CDH2: variants seen among roughly 807,000 people sequenced by gnomAD.
CDH2 encodes the protein cadherin-2.
CDH2 carries 17 observed loss-of-function variants against 92.0 expected under a neutral mutation model. That is an observed-to-expected ratio of 0.18 (90% CI 0.13 to 0.28). The LOEUF (loss-of-function observed/expected upper bound fraction) is 0.28. Among genes scored for constraint, CDH2 ranks in the 10% least tolerant of loss-of-function variants. The pLI is 1.00. For missense variants in CDH2, 862 were observed against 1,133.1 expected (o/e 0.76, Z 3.44); for synonymous variants, 419 against 415.9 (o/e 1.01, Z -0.09).
chr18:28,173,660 T>C (rs1380469957), intron 1 of CDH2, among the ~76,000 whole-genome samples: 1 of 152,172 alleles, frequency 6.6e-6, no homozygotes, highest in African/African-American at 2.4e-5. Context: ...GAAATGAATT[T>C]CTATGAACAT....
At chr18:28,110,775 T>C (rs1020961358) in intron 2 of CDH2, among the ~76,000 whole-genome samples, 1 of 152,106 alleles carries the variant, frequency 6.6e-6, no homozygotes, top group African/African-American at 2.4e-5. Flanking sequence ...CCTATATCTA[T>C]ATAGGCTGCA....
intron 1 of CDH2, among the ~76,000 whole-genome samples, chr18:28,163,296 A>G (rs536286559): frequency 2.6e-5 from 4 of 152,344 alleles, no homozygotes; most frequent in African/African-American, 9.6e-5. Context: ...GGAAAACACA[A>G]TCTTGCATTA....
At position 27,990,116 on chromosome 18, in the gene CDH2, A is replaced by G; in HGVS notation, c.1579T>C (p.Tyr527His). Reference sequence around the variant, plus strand: ...TCATACCTAATATTTTGCTGCATATATCGATCTGGGTCCTGAGCAGTGAAT... The same window carrying G: ...TCATACCTAATATTTTGCTGCATATGTCGATCTGGGTCCTGAGCAGTGAAT... Reference protein sequence around the residue: ...TTFTAQDPDRYMQQNIRYTKL... With the variant: ...TTFTAQDPDRHMQQNIRYTKL... Residue 527 changes from tyrosine to histidine, a missense_variant, in exon 10 of 16, where the codon TAT (tyrosine) becomes CAT (histidine). Physicochemically the swap from Tyr to His is moderately conservative, Grantham distance 83 (BLOSUM62 2). Coordinates refer to ENST00000269141, the MANE Select transcript of CDH2 (RefSeq NM_001792.5). 6.2e-7 allele frequency: 1 copy of G among 1,614,010 alleles called. No homozygotes were observed. Among genetic ancestry groups the G allele is most frequent in the Non-Finnish European group, 8.5e-7 (1 of 1,179,852 alleles).
In CDH2 at chr18:27,990,317, G is replaced by C; in HGVS notation, c.1378C>G (p.Leu460Val). The C allele has an allele frequency of 6.2e-7, 1 of 1,613,462 alleles. No homozygotes were observed. Among genetic ancestry groups the C allele is most frequent in the South Asian group, 1.1e-5 (1 of 91,042 alleles). Residue 460 changes from leucine (L) to valine (V), a missense_variant, in exon 10 of 16, where the codon CTT becomes GTT. Coordinates refer to ENST00000269141, the MANE Select transcript of CDH2 (RefSeq NM_001792.5). Reference protein sequence around the residue: ...IDFETNRMFVLTVAAENQVPL... With the variant: ...IDFETNRMFVVTVAAENQVPL... ...ACTTGATTTTCTGCAGCAACAGTAAGGACAAACATCCTATTTGTTTCAAAG... is the reference window on the plus strand; with the variant it reads ...ACTTGATTTTCTGCAGCAACAGTAACGACAAACATCCTATTTGTTTCAAAG...
chr18:28,118,758 A>G (rs2015538260), intron 2 of CDH2, among the ~76,000 whole-genome samples: 1 of 152,072 alleles, frequency 6.6e-6, no homozygotes, highest in Admixed American at 6.6e-5. Flanking sequence ...CACTAATTTT[A>G]TATCAAAACC....
At chr18:28,065,624 T>C (rs1020338089) in intron 2 of CDH2, among the ~76,000 whole-genome samples, 8 of 152,176 alleles carry the variant, frequency 5.3e-5, no homozygotes, top group Non-Finnish European at 1.0e-4. Flanking sequence ...CCATGGTAAC[T>C]AGCCGTAGAA....
At chr18:28,150,226 C>T (rs932822324) in intron 1 of CDH2, among the ~76,000 whole-genome samples, 7 of 152,172 alleles carry the variant, frequency 4.6e-5, no homozygotes, top group African/African-American at 1.4e-4. Context: ...CAGGTCAGGC[C>T]GGAGCCCAGA....
intron 2 of CDH2, among the ~76,000 whole-genome samples, chr18:28,116,893 G>C (rs1369001006): frequency 6.6e-6 from 1 of 152,058 alleles, no homozygotes; most frequent in African/African-American, 2.4e-5. Flanking sequence ...CAGTAATGAA[G>C]GGAGAAGAAT....
rs1303166463 is a variant in CDH2 at position 28,150,353 on chromosome 18, A to G, written c.61-2569T>C. 2.6e-5 allele frequency among the ~76,000 whole-genome samples: 4 copies of G among 152,236 alleles called. No individual in the cohort carries two copies. In the East Asian group the frequency reaches 5.8e-4, roughly 22 times the overall value. On this transcript the variant is annotated intron_variant, in intron 1 of 15. Transcript: ENST00000269141. Reference sequence around the variant, plus strand: ...TTTGTGGGTAAGAACTCAGAGATCAAGAAAGTCTCAAGACTAGAGGAAAAC... The same window carrying G: ...TTTGTGGGTAAGAACTCAGAGATCAGGAAAGTCTCAAGACTAGAGGAAAAC...
At chr18:28,174,249 A>G (rs1045269790) in intron 1 of CDH2, among the ~76,000 whole-genome samples, 1 of 152,118 alleles carries the variant, frequency 6.6e-6, no homozygotes, top group Non-Finnish European at 1.5e-5. Flanking sequence ...GAATTTAAAA[A>G]AAAAAGAAAA....
At chr18:27,959,994 A>G (rs2011355307) in intron 15 of CDH2, among the ~76,000 whole-genome samples, 1 of 146,928 alleles carries the variant, frequency 6.8e-6, no homozygotes, top group Admixed American at 6.9e-5. Context: ...CAGCCTGAGC[A>G]ACAGAGAGAG....
intron 2 of CDH2, among the ~76,000 whole-genome samples, chr18:28,076,702 G>A (rs1599081951): frequency 1.2e-5 from 1 of 80,512 alleles, no homozygotes; most frequent in African/African-American, 5.3e-5. Context: ...CCCCCCACCC[G>A]ACGACAGGCC....
At chr18:28,041,513 C>T (rs1447150443) in intron 2 of CDH2, among the ~76,000 whole-genome samples, 1 of 152,192 alleles carries the variant, frequency 6.6e-6, no homozygotes, top group African/African-American at 2.4e-5. Flanking sequence ...GATGAACAGT[C>T]AGCAGGCAAC....
At chr18:28,153,344 C>A (rs927743417) in intron 1 of CDH2, among the ~76,000 whole-genome samples, 8 of 152,074 alleles carry the variant, frequency 5.3e-5, no homozygotes, top group Non-Finnish European at 8.8e-5. Context: ...TTAGGGGGAG[C>A]AATTTATATT....
At chr18:28,173,434 CAAAT>C (rs1446717701) in intron 1 of CDH2, among the ~76,000 whole-genome samples, 1 of 152,064 alleles carries the variant, frequency 6.6e-6, no homozygotes, top group Non-Finnish European at 1.5e-5. Flanking sequence ...ACATGAAAAT[CAAAT>C]AAATACTGAG....
chr18:28,113,347 C>T (rs1365384456), intron 2 of CDH2, among the ~76,000 whole-genome samples: 1 of 151,546 alleles, frequency 6.6e-6, no homozygotes, highest in Non-Finnish European at 1.5e-5. Context: ...TCCAAGGCAA[C>T]CACATTAAAA....
At chr18:28,170,946 A>C (rs1034249110) in intron 1 of CDH2, among the ~76,000 whole-genome samples, 3 of 149,700 alleles carry the variant, frequency 2.0e-5, no homozygotes, top group Non-Finnish European at 4.4e-5. Flanking sequence ...AAACTAGAGG[A>C]GGCCAGGAGC....
chr18:27,981,084 C>T (rs748929458), intron 14 of CDH2, among the ~76,000 whole-genome samples: 2 of 152,106 alleles, frequency 1.3e-5, no homozygotes, highest in Non-Finnish European at 2.9e-5. Flanking sequence ...AGTCCCTATA[C>T]GAGAATTTTC....
At chr18:28,133,015 C>T (rs571535384) in intron 2 of CDH2, among the ~76,000 whole-genome samples, 59 of 152,284 alleles carry the variant, frequency 3.9e-4, no homozygotes, top group African/African-American at 1.4e-3. Context: ...CACACATTCT[C>T]CTTATCTATA....
Sources: allele counts gnomAD v4.1 joint callset (sites outside exome capture counted in the v4.1 genomes callset), GRCh38; gene constraint gnomAD v4.1.1; transcripts MANE v1.5; gene names NCBI Gene and HGNC (gene_info 2026-07-23, HGNC 2026-07-21).